PRH1: variants seen among roughly 807,000 people sequenced by gnomAD.
The protein encoded by PRH1 is salivary acidic proline-rich phosphoprotein 1/2.
Under a neutral mutation model 7.9 loss-of-function variants are expected in PRH1, and 7 were observed. The observed-to-expected ratio is 0.89, with a 90% CI of 0.50 to 1.67. The LOEUF (loss-of-function observed/expected upper bound fraction) is 1.67. PRH1 is among the 40% of genes most tolerant of loss of function. The pLI, the probability that PRH1 is intolerant of heterozygous loss-of-function variation, is 0.00. For synonymous variants in PRH1, 45 were observed against 80.8 expected, an observed-to-expected ratio of 0.56 and a Z score of 2.38; for missense variants, 109 against 223.6, an observed-to-expected ratio of 0.49 and a Z score of 3.27.
At chr12:11,157,841 A>C (rs1005645535) in intron 1 of PRH1, among the ~76,000 whole-genome samples, 1 of 152,196 alleles carries the variant, frequency 6.6e-6, no homozygotes, top group Non-Finnish European at 1.5e-5. Context: ...GGTGATGATG[A>C]TATTAATAGC....
At chr12:10,917,227 TAC>T (rs989986531) in intron 2 of PRH1, among the ~76,000 whole-genome samples, 1 of 152,178 alleles carries the variant, frequency 6.6e-6, no homozygotes, top group African/African-American at 2.4e-5. Flanking sequence ...CCATAGTTAA[TAC>T]CACCATGAAA....
chr12:10,942,339 G>A (rs966890102), intron 2 of PRH1, among the ~76,000 whole-genome samples: 1 of 152,128 alleles, frequency 6.6e-6, no homozygotes. Context: ...AGTACCATCA[G>A]GTGGGGCAGA....
In PRH1 at chr12:11,133,403, A is replaced by C. The variant is rs1669405; in HGVS notation, n.40-12223T>G. 6,414 of 1,609,268 alleles carry C rather than the reference A, an allele frequency of 4.0e-3. 17 individuals are homozygous for C. Among genetic ancestry groups the C allele is most frequent in the Non-Finnish European group, 5.0e-3 (5,853 of 1,176,264 alleles). On this transcript the variant is annotated intron_variant and non_coding_transcript_variant, in intron 1 of 1. Transcript: ENST00000541175. Reference sequence around the variant, plus strand: ...AATCTGCTTTAGCTTCTTGTTTCCCAAAATCAGGATGAATGGGTGGGTTGA... The same window carrying C: ...AATCTGCTTTAGCTTCTTGTTTCCCCAAATCAGGATGAATGGGTGGGTTGA...
At chr12:11,171,581 C>T (rs938471014), upstream of PRH1, 2 of 1,230,540 alleles carry the variant, frequency 1.6e-6, no homozygotes, top group Admixed American at 4.2e-5. Context: ...ACTAAGCTAA[C>T]GGCCTCCGGG....
intron 2 of PRH1, among the ~76,000 whole-genome samples, chr12:10,903,796 C>A (rs1202360831): frequency 2.0e-5 from 3 of 151,652 alleles, no homozygotes; most frequent in Non-Finnish European, 4.4e-5. Context: ...TGCCAAAAGG[C>A]TCCTGGCACA....
At chr12:11,127,512 G>C (rs1238817555) in intron 1 of PRH1, among the ~76,000 whole-genome samples, 1 of 152,254 alleles carries the variant, frequency 6.6e-6, no homozygotes, top group East Asian at 1.9e-4. Context: ...AGTGTCCAAG[G>C]TTTTCTTGGG....
rs760650571 is a variant in PRH1, at chr12:10,939,045, G to C, written c.-59+34610C>G. ...AATATTAACCAAACCAGGCTAATTC[G>C]AGAGATTGCCAAAGCAGTGAGGATC... On this transcript the variant is annotated intron_variant, in intron 2 of 3. Transcript: ENST00000539853. 1.1e-5 allele frequency: 17 copies of C among 1,613,784 alleles called. No homozygotes were observed. The African/African-American group carries it at 2.0e-4, about 19-fold the overall frequency.
rs1565725745 is a variant in PRH1, at chr12:11,168,284, GAAA to G, written n.39+3135_39+3137del. ...AGAAAGAAAGAAAGAAAGAAAGAAA[GAAA>G]GAAAGAAAGAAAGAAGGAAGGAAGG... is the stretch of plus-strand genomic sequence containing the variant. On this transcript the variant is annotated intron_variant and non_coding_transcript_variant, in intron 1 of 1. Coordinates refer to the PRH1 transcript ENST00000541175. 5.0e-3 allele frequency among the ~76,000 whole-genome samples: 148 copies of G among 29,620 alleles called. 16 individuals carry two copies. Among genetic ancestry groups the G allele is most frequent in the Middle Eastern group, 0.013 (1 of 76 alleles). 19.4% of individuals were successfully genotyped at this position (29,620 alleles called of 152,430 possible).
At chr12:10,950,020 A>G (rs377149433) in intron 2 of PRH1, among the ~76,000 whole-genome samples, 1 of 152,172 alleles carries the variant, frequency 6.6e-6, no homozygotes, top group African/African-American at 2.4e-5. Context: ...TCACATCTGT[A>G]TTAGCTATTT....
intron 2 of PRH1, among the ~76,000 whole-genome samples, chr12:10,925,058 TG>T (rs1950105811): frequency 6.6e-6 from 1 of 152,208 alleles, no homozygotes; most frequent in Non-Finnish European, 1.5e-5. Flanking sequence ...TTGAATGTGT[TG>T]GAGAGCAGTT....
intron 1 of PRH1, among the ~76,000 whole-genome samples, chr12:11,060,677 T>C (rs74587747): frequency 6.7e-6 from 1 of 149,546 alleles, no homozygotes; most frequent in Non-Finnish European, 1.5e-5. Context: ...CACATGCTTG[T>C]ATTAAATCTA....
intron 1 of PRH1, among the ~76,000 whole-genome samples, chr12:11,019,261 G>A (rs1941465488): frequency 6.6e-6 from 1 of 152,094 alleles, no homozygotes; most frequent in Non-Finnish European, 1.5e-5. Context: ...CCAAGTGCAT[G>A]CATCTGATGA....
At chr12:10,940,437 A>T (rs1380892384) in intron 2 of PRH1, among the ~76,000 whole-genome samples, 1 of 152,252 alleles carries the variant, frequency 6.6e-6, no homozygotes, top group Non-Finnish European at 1.5e-5. Flanking sequence ...TTTTCTCTGT[A>T]CATGTGAGAA....
chr12:10,917,932 A>C (rs1949995377), intron 2 of PRH1, among the ~76,000 whole-genome samples: 2 of 152,178 alleles, frequency 1.3e-5, no homozygotes, highest in Admixed American at 1.3e-4. Flanking sequence ...ATACAGCTGG[A>C]AAGCCCTCAC....
At chr12:10,955,727 C>G (rs79877303) in intron 2 of PRH1, among the ~76,000 whole-genome samples, 2,230 of 152,080 alleles carry the variant, frequency 0.015, 91 homozygotes, top group East Asian at 0.084. Flanking sequence ...TAAACCCAAT[C>G]AAAAATGACC....
intron 1 of PRH1, chr12:11,005,992 A>C (rs556900350): frequency 6.6e-6 from 1 of 152,232 alleles, no homozygotes; most frequent in East Asian, 1.9e-4. Flanking sequence ...TGATTATGCT[A>C]TTAAGAAGAA....
intron 2 of PRH1, among the ~76,000 whole-genome samples, chr12:10,955,268 T>C (rs1937896650): frequency 7.9e-5 from 12 of 151,922 alleles, no homozygotes; most frequent in Admixed American, 7.9e-4. Context: ...TATAAATAAA[T>C]ACTAAGAAAA....
chr12:11,069,140 A>T (rs1219024768), intron 1 of PRH1, among the ~76,000 whole-genome samples: 3 of 130,120 alleles, frequency 2.3e-5, no homozygotes, highest in Non-Finnish European at 5.1e-5. Flanking sequence ...TTGGTCTCCA[A>T]TAATTGTGCT....
chr12:11,051,585 C>G (rs1009999139), upstream of PRH1, among the ~76,000 whole-genome samples: 1 of 141,910 alleles, frequency 7.0e-6, no homozygotes, highest in Non-Finnish European at 1.6e-5. Context: ...GTTTCCATCC[C>G]TCTACACCTT....
Sources: gnomAD v4.1 joint callset for allele counts (sites outside exome capture counted in the v4.1 genomes callset) on GRCh38, gnomAD v4.1.1 for gene constraint, MANE v1.5 for transcripts, NCBI Gene and HGNC (gene_info 2026-07-23, HGNC 2026-07-21) for gene names.